The following SREBF2 variants were observed in gnomAD, a reference collection of about 807,000 sequenced individuals.
The protein encoded by SREBF2 is sterol regulatory element binding transcription factor 2.
A neutral mutation model predicts 113.1 loss-of-function variants in SREBF2; 55 were observed. That is an observed-to-expected ratio of 0.49 (90% CI 0.39 to 0.61). SREBF2 has a LOEUF of 0.61. SREBF2 is among the 20% of genes least tolerant of loss of function. The probability of loss-of-function intolerance (pLI) is 0.00; values close to 1 mark genes in which losing one functional copy is unlikely to be tolerated. For synonymous variants in SREBF2, 593 were observed against 605.7 expected, an observed-to-expected ratio of 0.98 and a Z score of 0.31; for missense variants, 1,349 against 1,487.4, an observed-to-expected ratio of 0.91 and a Z score of 1.53.
intron 15 of SREBF2, chr22:41,898,994 G>A (rs764430082): frequency 6.9e-6 from 5 of 721,304 alleles, no homozygotes; most frequent in Admixed American, 2.2e-5. Context: ...TGCACAACAC[G>A]ACAGTTGTCC....
chr22:41,902,724 A>AT (rs1238537323), intron 16 of SREBF2, among the ~76,000 whole-genome samples: 2 of 152,206 alleles, frequency 1.3e-5, no homozygotes, highest in Non-Finnish European at 2.9e-5. Flanking sequence ...TGTCCCTGTC[A>AT]GAGCCTTGCT....
chr22:41,876,519 A>G (rs2077199092), intron 7 of SREBF2, among the ~76,000 whole-genome samples: 1 of 152,212 alleles, frequency 6.6e-6, no homozygotes, highest in Admixed American at 6.5e-5. Context: ...TAAAATATTG[A>G]AAAGAAATGA....
In SREBF2 at chr22:41,884,994, A is replaced by C; in HGVS notation, c.2191A>C (p.Lys731Gln). Reference protein sequence around the residue: ...AMGLKTRCGGKLGFLASYFLS... With the variant: ...AMGLKTRCGGQLGFLASYFLS... ...GGGGCTCAAGACCCGGTGTGGAGGC[A>C]AGCTGGGCTTCCTGGCCGTGAGTAC... The change falls in exon 11 of 19, where the codon AAG becomes CAG. Residue 731 changes from lysine to glutamine, a missense_variant. This residue lies in a region of SREBF2 where 650 missense variants were observed against 644.1 expected (regional missense o/e 1.01). Transcript: ENST00000361204. The C allele has an allele frequency of 6.2e-7, 1 of 1,614,078 alleles. No homozygotes were observed.
chr22:41,856,638 C>G (rs1157683770), intron 1 of SREBF2, among the ~76,000 whole-genome samples: 1 of 152,120 alleles, frequency 6.6e-6, no homozygotes, highest in Admixed American at 6.5e-5. Context: ...GATTGCCCTA[C>G]CCCACCCCTC....
At chr22:41,898,274 C>G (rs1042602193) in intron 14 of SREBF2, among the ~76,000 whole-genome samples, 3 of 152,116 alleles carry the variant, frequency 2.0e-5, no homozygotes, top group African/African-American at 7.2e-5. Flanking sequence ...CCACCATGCC[C>G]AGCTAATTTT....
chr22:41,846,218 C>T (rs1485975862), intron 1 of SREBF2, among the ~76,000 whole-genome samples: 1 of 152,214 alleles, frequency 6.6e-6, no homozygotes, highest in African/African-American at 2.4e-5. Context: ...CTAGCTTGAA[C>T]AGAAAAGGAT....
intron 1 of SREBF2, among the ~76,000 whole-genome samples, chr22:41,846,974 A>G (rs1178442055): frequency 1.3e-5 from 2 of 152,214 alleles, no homozygotes; most frequent in African/African-American, 2.4e-5. Context: ...AGTTCCACAC[A>G]AGGCACATAG....
intron 1 of SREBF2, among the ~76,000 whole-genome samples, chr22:41,844,614 C>T (rs2076860535): frequency 6.6e-6 from 1 of 152,236 alleles, no homozygotes; most frequent in East Asian, 1.9e-4. Context: ...ATATCTCAGG[C>T]CTTGAGAATT....
chr22:41,850,811 G>T (rs1602277928), intron 1 of SREBF2, among the ~76,000 whole-genome samples: 2 of 152,000 alleles, frequency 1.3e-5, no homozygotes, highest in Non-Finnish European at 2.9e-5. Context: ...AGAGATCTTG[G>T]CTCACTGCAA....
chr22:41,900,951 G>T, intron 16 of SREBF2: 2 of 535,040 alleles, frequency 3.7e-6, no homozygotes, highest in Non-Finnish European at 3.8e-6. Context: ...CAGCTGTGGT[G>T]CATTGTAGTT....
intron 2 of SREBF2, 78 bp from the exon 3 acceptor site, chr22:41,868,533 A>G (rs1602305024): frequency 1.3e-6 from 2 of 1,502,044 alleles, no homozygotes; most frequent in Non-Finnish European, 1.9e-6. Flanking sequence ...GAGATACTCC[A>G]TCCTCAGGTT....
In SREBF2 at chr22:41,833,366, G is replaced by A; in HGVS notation, c.88+8G>A. 6.7e-7 allele frequency: 1 copy of A among 1,493,318 alleles called. No individual in the cohort carries two copies. Among genetic ancestry groups the A allele is most frequent in the South Asian group, 1.2e-5 (1 of 81,042 alleles). 92.5% of individuals were successfully genotyped at this position (1,493,318 alleles called of 1,614,324 possible). A position where few individuals can be genotyped will look rare whatever the true frequency, so the allele number is the denominator to read the frequency against. On this transcript the variant is annotated splice_region_variant and intron_variant, in intron 1 of 18. Transcript: ENST00000361204. This position sits in a 1 kb window ranked among gnomAD's most constrained non-coding sequence, Gnocchi z 4.1. ...CCCTGGGAGACATCGACGGTGAGTG[G>A]TGGGTGGGTGGGAGTGCGGGGGCCG...
Position 41,833,373 on chromosome 22 carries a change from G to T in SREBF2, c.88+15G>T. ...AGACATCGACGGTGAGTGGTGGGTG[G>T]GTGGGAGTGCGGGGGCCGCGCGGGG... On this transcript the variant is annotated intron_variant, in intron 1 of 18. Transcript: ENST00000361204. The surrounding 1 kb of genome is among the most constrained non-coding windows in gnomAD (Gnocchi z 4.1). The T allele has an allele frequency of 1.3e-6, 2 of 1,519,324 alleles. No homozygotes were observed. Among genetic ancestry groups the T allele is most frequent in the Non-Finnish European group, 1.8e-6 (2 of 1,126,662 alleles). The allele number at this position is 1,519,324 out of a possible 1,614,324, so 94.1% of individuals were successfully genotyped here. A position where few individuals can be genotyped will look rare whatever the true frequency, so the allele number is the denominator to read the frequency against.
At position 41,906,841 on chromosome 22, in the gene SREBF2, T is replaced by C. The variant is rs533578298; in HGVS notation, c.*1181T>C. The C allele has an allele frequency of 2.6e-5, 4 of 152,286 alleles. No homozygotes were observed. Among genetic ancestry groups the C allele is most frequent in the African/African-American group, 9.6e-5 (4 of 41,556 alleles). 9.4% of individuals were successfully genotyped at this position (152,286 alleles called of 1,614,324 possible). The stretch of plus-strand genomic sequence containing the variant: ...GGTGGGCACTAGGAATGAGGTCCCC[T>C]GCCTCGATGCGGGTCCTAGGAGAAA... On this transcript the variant is annotated 3_prime_UTR_variant, in exon 19 of 19. Transcript: ENST00000361204.
At chr22:41,875,770 C>T in intron 7 of SREBF2, 46 bp downstream of exon 7, 1 of 1,606,566 alleles carries the variant, frequency 6.2e-7, no homozygotes, top group Non-Finnish European at 8.5e-7. Flanking sequence ...TTTCCCATTT[C>T]CCCTAAGAAG....
rs1258687225 is a variant in SREBF2, at chr22:41,867,189, G to A, written c.447G>A (p.Thr149=). 6.2e-6 allele frequency: 10 copies of A among 1,614,112 alleles called. No individual in the cohort carries two copies. In the Admixed American group the frequency reaches 6.7e-5, roughly 11 times the overall value. ...PQPQTQLQQQ[T]VMITPTFSTT... is the part of the protein sequence containing the mutation. ...CTCAAACTCAGCTGCAACAACAGAC[G>A]GTAATGATCACGCCAACATTCAGCA... Residue 149 remains threonine, a synonymous_variant, in exon 2 of 19, where the codon ACG becomes ACA. Transcript: ENST00000361204.
intron 4 of SREBF2, among the ~76,000 whole-genome samples, chr22:41,871,997 T>C (rs2148384660): frequency 6.6e-6 from 1 of 151,194 alleles, no homozygotes; most frequent in South Asian, 2.1e-4. Flanking sequence ...ACACCTGTAA[T>C]CCCAGCACTT....
In SREBF2 at chr22:41,833,407, G is replaced by T. The variant is rs2076732142; in HGVS notation, c.88+49G>T. The T allele has an allele frequency of 2.7e-6, 4 of 1,490,272 alleles. No homozygotes were observed. The highest frequency in any genetic ancestry group is 3.6e-6 in the Non-Finnish European group (4 of 1,108,332). 92.3% of individuals were successfully genotyped at this position (1,490,272 alleles called of 1,614,324 possible). ...GCGGGGGCCGCGCGGGGAGGAAGGG[G>T]TTACGGCGGCGCGCCCGGGTGCGCG... On this transcript the variant is annotated intron_variant, in intron 1 of 18. Coordinates refer to ENST00000361204, the MANE Select transcript of SREBF2 (RefSeq NM_004599.4). This position sits in a 1 kb window ranked among gnomAD's most constrained non-coding sequence, Gnocchi z 4.1.
intron 1 of SREBF2, among the ~76,000 whole-genome samples, chr22:41,851,487 T>TTTTG (rs200740168): frequency 1.4e-5 from 2 of 147,912 alleles, no homozygotes; most frequent in African/African-American, 5.1e-5. Flanking sequence ...CTTTTAGTCT[T>TTTTG]TTTGTTTGTT....
Sources: gnomAD v4.1 joint callset for allele counts (sites outside exome capture counted in the v4.1 genomes callset) on GRCh38, gnomAD v4.1.1 for gene constraint, gnomAD v4.1.1 regional missense constraint, Gnocchi (gnomAD v3.1) non-coding constraint, MANE v1.5 for transcripts, NCBI Gene and HGNC (gene_info 2026-07-23, HGNC 2026-07-21) for gene names.